Variants in BAZ2B observed in about 807,000 individuals in gnomAD.
The protein encoded by BAZ2B is bromodomain adjacent to zinc finger domain 2B.
In BAZ2B, 91 loss-of-function variants were observed where a neutral mutation model predicts 246.0. That is an observed-to-expected ratio of 0.37 (90% CI 0.31 to 0.44). The LOEUF (loss-of-function observed/expected upper bound fraction) is 0.44. BAZ2B is among the 20% of genes least tolerant of loss of function. The pLI is 1.00. For synonymous variants in BAZ2B, 855 were observed against 860.0 expected (o/e 0.99, Z 0.10); for missense variants, 2,332 against 2,533.7 (o/e 0.92, Z 1.71).
chr2:159,404,990 C>A, intron 15 of BAZ2B, 32 bp downstream of exon 15: 1 of 1,612,702 alleles, frequency 6.2e-7, no homozygotes, highest in South Asian at 1.1e-5. Flanking sequence ...AGTACTGACT[C>A]TTCGAGTTTA....
At chr2:159,689,086 T>A in the BAZ2B span, 1 of 251,302 alleles carries the variant, frequency 4.0e-6, no homozygotes, top group East Asian at 1.4e-4. Flanking sequence ...TAAAATCCAT[T>A]AATGATTTTT....
At chr2:159,440,119 A>G (rs1021140454) in intron 6 of BAZ2B, among the ~76,000 whole-genome samples, 24 of 152,200 alleles carry the variant, frequency 1.6e-4, no homozygotes, top group African/African-American at 5.8e-4. Context: ...TGTCATGTAG[A>G]TTATTGAAAA....
At chr2:159,427,501 C>A (rs1277106128) in intron 13 of BAZ2B, among the ~76,000 whole-genome samples, 1 of 152,046 alleles carries the variant, frequency 6.6e-6, no homozygotes, top group African/African-American at 2.4e-5. Context: ...CATCATATAG[C>A]GTGGCATAAT....
At chr2:159,332,467 A>C (rs1359730708) in intron 34 of BAZ2B, 73 bp downstream of exon 34, 1 of 1,440,174 alleles carries the variant, frequency 6.9e-7, no homozygotes, top group Non-Finnish European at 9.3e-7. Flanking sequence ...AGCCTGGGCA[A>C]CTGAGACCAT....
chr2:159,709,844 A>G, the BAZ2B span, among the ~76,000 whole-genome samples: 1 of 152,364 alleles, frequency 6.6e-6, no homozygotes, highest in South Asian at 2.1e-4. Context: ...CCATGGGTAA[A>G]TAACAGACAA....
At chr2:159,453,568 A>G in intron 4 of BAZ2B, 45 bp downstream of exon 4, 4 of 1,520,712 alleles carry the variant, frequency 2.6e-6, no homozygotes, top group Non-Finnish European at 3.5e-6. Flanking sequence ...GAACATTCTC[A>G]AGCTTTCCTC....
chr2:159,573,778 A>T lies in BAZ2B; in HGVS notation c.-45-17913T>A, dbSNP rs185893376. On this transcript the variant is annotated intron_variant, in intron 1 of 36. Transcript: ENST00000392783. ...ACAGTTGTATCCAAAATATATTTTT[A>T]AAAAACACTTATAACTACTCAATAA... is the stretch of plus-strand genomic sequence containing the variant. Among the ~76,000 whole-genome samples the T allele has an allele frequency of 6.6e-5, 10 of 152,268 alleles. No individual in the cohort carries two copies. In the East Asian group the frequency reaches 1.9e-3, roughly 29 times the overall value.
At chr2:159,647,849 T>A in the BAZ2B span, among the ~76,000 whole-genome samples, 6 of 152,230 alleles carry the variant, frequency 3.9e-5, no homozygotes, top group African/African-American at 1.4e-4. Flanking sequence ...TTTTACTTTA[T>A]GCAATTATTC....
rs2071419369 is a variant in BAZ2B, at chr2:159,432,970, C to T, written c.1687G>A (p.Gly563Arg). Reference sequence around the variant, plus strand: ...TTATTGCTAACTGCTTTTTCCTTCCCTTGACTATGCAGGATGGGAGAGGCA... The same window carrying T: ...TTATTGCTAACTGCTTTTTCCTTCCTTTGACTATGCAGGATGGGAGAGGCA... ...PSASPILHSQ[G>R]KEKAVSNNVN... Residue 563 changes from glycine to arginine, a missense_variant, in exon 9 of 37, where the codon GGG becomes AGG. Gly to Arg is a moderately radical substitution (Grantham distance 125, BLOSUM62 -2). Transcript: ENST00000392783. 1 of 1,614,070 alleles carries T rather than the reference C, an allele frequency of 6.2e-7. No homozygotes were observed. Among genetic ancestry groups the T allele is most frequent in the African/African-American group, 1.3e-5 (1 of 75,018 alleles).
intron 1 of BAZ2B, among the ~76,000 whole-genome samples, chr2:159,595,087 A>G (rs1293441554): frequency 6.6e-6 from 1 of 151,174 alleles, no homozygotes; most frequent in Non-Finnish European, 1.5e-5. Flanking sequence ...ATTGATTACT[A>G]TGCATCCTTT....
rs2058420136 is a variant in BAZ2B at position 159,350,365 on chromosome 2, A to T, written c.4214-8T>A. On this transcript the variant is annotated splice_region_variant and splice_polypyrimidine_tract_variant and intron_variant, in intron 27 of 36. Transcript: ENST00000392783. ...TTGCAATTTCTTCTAGTCCTACAAA[A>T]TGAAAAAGCATTATGAACATCAGTT... 1 of 1,509,204 alleles carries T rather than the reference A, an allele frequency of 6.6e-7. No individual in the cohort carries two copies. The highest frequency in any genetic ancestry group is 8.8e-7 in the Non-Finnish European group (1 of 1,132,732). The allele number at this position is 1,509,204 out of a possible 1,614,324, so 93.5% of individuals were successfully genotyped here.
At chr2:159,348,162 TA>T (rs976511305) in intron 30 of BAZ2B, among the ~76,000 whole-genome samples, 1 of 150,292 alleles carries the variant, frequency 6.7e-6, no homozygotes, top group African/African-American at 2.4e-5. Flanking sequence ...CTACAAAAAA[TA>T]AAAAAAACTA....
At chr2:159,620,220 G>A (rs983277608), upstream of BAZ2B, among the ~76,000 whole-genome samples, 1 of 152,170 alleles carries the variant, frequency 6.6e-6, no homozygotes, top group Non-Finnish European at 1.5e-5. Flanking sequence ...ATGAAGTCTA[G>A]GAAGGCTGAC....
intron 3 of BAZ2B, among the ~76,000 whole-genome samples, chr2:159,457,367 A>T (rs528575777): frequency 1.3e-5 from 2 of 152,362 alleles, no homozygotes; most frequent in East Asian, 3.9e-4. Context: ...CAAACACCTA[A>T]AACAGTGTCT....
intron 2 of BAZ2B, among the ~76,000 whole-genome samples, chr2:159,545,060 G>A (rs377537301): frequency 2.0e-5 from 3 of 152,122 alleles, no homozygotes; most frequent in East Asian, 1.9e-4. Context: ...TATATTATTC[G>A]AGAGGATTTT....
chr2:159,328,386 T>C (rs952761197), intron 34 of BAZ2B, among the ~76,000 whole-genome samples: 3 of 152,172 alleles, frequency 2.0e-5, no homozygotes, highest in Non-Finnish European at 2.9e-5. Flanking sequence ...TATATATTGA[T>C]AGAAGTCACA....
At position 159,382,745 on chromosome 2, in the gene BAZ2B, A is replaced by G. The variant is rs756641862; in HGVS notation, c.3819T>C (p.Asp1273=). The G allele has an allele frequency of 1.1e-5, 17 of 1,613,648 alleles. No individual in the cohort carries two copies. The Admixed American group carries it at 2.8e-4, about 27-fold the overall frequency. Residue 1273 remains aspartate, a synonymous_variant, in exon 25 of 37, where the codon GAT becomes GAC. Coordinates refer to ENST00000392783, the MANE Select transcript of BAZ2B (RefSeq NM_013450.4). ...TGKRDTSGGI[D]LGEEQHPLGT... The stretch of plus-strand genomic sequence containing the variant: ...CCAAGGGATGCTGCTCTTCTCCCAG[A>G]TCAATGCCACCTGAAGTGTCTCTTT...
At chr2:159,520,095 T>A (rs1056171855) in intron 2 of BAZ2B, among the ~76,000 whole-genome samples, 2 of 152,166 alleles carry the variant, frequency 1.3e-5, no homozygotes, top group African/African-American at 4.8e-5. Context: ...CTATCTCTTA[T>A]TTTATTATAC....
chr2:159,662,060 C>T, the BAZ2B span, among the ~76,000 whole-genome samples: 1 of 152,212 alleles, frequency 6.6e-6, no homozygotes, highest in South Asian at 2.1e-4. Flanking sequence ...CTGGATTTAC[C>T]TATTCTGGAT....
Sources: allele counts gnomAD v4.1 joint callset (sites outside exome capture counted in the v4.1 genomes callset), GRCh38; gene constraint gnomAD v4.1.1; transcripts MANE v1.5; gene names NCBI Gene and HGNC (gene_info 2026-07-23, HGNC 2026-07-21).